The following KPNA7 variants were observed in gnomAD, a reference collection of about 807,000 sequenced individuals.
KPNA7 encodes importin subunit alpha-8.
KPNA7 carries 54 observed loss-of-function variants against 53.7 expected under a neutral mutation model. The observed-to-expected ratio is 1.01, with a 90% CI of 0.81 to 1.26. The LOEUF (loss-of-function observed/expected upper bound fraction) is 1.26, where lower values mean the gene tolerates loss of function less well. Among genes scored for constraint, KPNA7 ranks in the 50% most tolerant of loss-of-function variants. The pLI is 0.00. For missense variants in KPNA7, 640 were observed against 644.5 expected (o/e 0.99, Z 0.07); for synonymous variants, 276 against 259.3 (o/e 1.06, Z -0.62).
At chr7:99,200,105 G>C (rs778047383) in intron 3 of KPNA7, among the ~76,000 whole-genome samples, 1 of 152,150 alleles carries the variant, frequency 6.6e-6, no homozygotes, top group African/African-American at 2.4e-5. Flanking sequence ...GTTTCACCAT[G>C]TTGGCCAGGA....
At chr7:99,192,711 G>T (rs1790017928) in intron 6 of KPNA7, among the ~76,000 whole-genome samples, 1 of 152,136 alleles carries the variant, frequency 6.6e-6, no homozygotes, top group African/African-American at 2.4e-5. Flanking sequence ...GCCCAGTCTT[G>T]AGCCTTGTTT....
chr7:99,163,383 A>ATATATATATATATATATT, the KPNA7 span, among the ~76,000 whole-genome samples: 2 of 40,816 alleles, frequency 4.9e-5, no homozygotes, highest in Non-Finnish European at 8.4e-5. Context: ...ATATATATAT[A>ATATATATATATATATATT]TTTTTTTTTT....
At chr7:99,158,873 TTTTTC>T in the KPNA7 span, among the ~76,000 whole-genome samples, 8 of 151,756 alleles carry the variant, frequency 5.3e-5, 1 homozygote, top group Admixed American at 2.0e-4. Context: ...GCATCTTTTT[TTTTTC>T]TTTTGAGAGG....
chr7:99,182,174 A>G, intron 8 of KPNA7, 109 bp from the exon 9 acceptor site: 4 of 747,128 alleles, frequency 5.4e-6, no homozygotes, highest in Non-Finnish European at 8.4e-6. Context: ...GACTGCATGT[A>G]CAATTTACAT....
intron 10 of KPNA7, among the ~76,000 whole-genome samples, chr7:99,177,301 C>T (rs1055768822): frequency 2.6e-5 from 4 of 151,950 alleles, no homozygotes; most frequent in East Asian, 3.9e-4. Context: ...GGAGACGGGC[C>T]GGGTGTGGTG....
downstream of KPNA7, among the ~76,000 whole-genome samples, chr7:99,173,062 C>CA (rs923484332): frequency 0.14 from 7,857 of 57,004 alleles, 812 homozygotes; most frequent in African/African-American, 0.26. Flanking sequence ...AACTCCATCT[C>CA]AAAAAAAAAA....
At chr7:99,169,673 G>A (rs1422703560), downstream of KPNA7, among the ~76,000 whole-genome samples, 1 of 152,008 alleles carries the variant, frequency 6.6e-6, no homozygotes, top group Admixed American at 6.6e-5. Flanking sequence ...AATGGAAGGA[G>A]GGAAGCATAA....
chr7:99,182,377 T>G (rs1428812716), intron 8 of KPNA7, among the ~76,000 whole-genome samples: 2 of 152,158 alleles, frequency 1.3e-5, no homozygotes, highest in African/African-American at 4.8e-5. Flanking sequence ...TTTTATATTT[T>G]TAGTAGAGAC....
At chr7:99,214,459 C>CA (rs1563093971) in intron 1 of KPNA7, among the ~76,000 whole-genome samples, 82 of 145,806 alleles carry the variant, frequency 5.6e-4, no homozygotes, top group African/African-American at 1.9e-3. Flanking sequence ...AAACAAAAAA[C>CA]AAAAACAAAA....
At chr7:99,164,054 T>C in the KPNA7 span, among the ~76,000 whole-genome samples, 1 of 150,542 alleles carries the variant, frequency 6.6e-6, no homozygotes, top group Non-Finnish European at 1.5e-5. Context: ...TGTAAACTAG[T>C]TCAACCATTG....
the KPNA7 span, among the ~76,000 whole-genome samples, chr7:99,148,902 T>TG: frequency 9.7e-3 from 1,457 of 149,876 alleles, 12 homozygotes; most frequent in Non-Finnish European, 0.016. Context: ...ACCGTTTTTT[T>TG]TTTTTTTTTT....
At chr7:99,151,466 T>A in the KPNA7 span, among the ~76,000 whole-genome samples, 9 of 151,736 alleles carry the variant, frequency 5.9e-5, no homozygotes, top group South Asian at 1.9e-3. Flanking sequence ...TGGTTTTTTT[T>A]TTGAGACAGG....
In KPNA7 at chr7:99,197,020, AAACAACAAC is replaced by A. The variant is rs139221110; in HGVS notation, c.202-863_202-855del. On this transcript the variant is annotated intron_variant, in intron 3 of 10. Coordinates refer to ENST00000327442, the MANE Select transcript of KPNA7 (RefSeq NM_001145715.3). ...TGTATAGGGCTATGCATATGCTTAA[AAACAACAAC>A]AACAACAACAACAACAACAACAAAA... Among the ~76,000 whole-genome samples the A allele has an allele frequency of 1.4e-3, 212 of 151,026 alleles. 1 individual carries two copies. Among genetic ancestry groups the A allele is most frequent in the Admixed American group, 1.8e-3 (27 of 15,130 alleles).
chr7:99,193,043 TAGG>T lies in KPNA7; in HGVS notation c.609_611del (p.Leu204del). 6.6e-7 allele frequency: 1 copy of T among 1,508,520 alleles called. No homozygotes were observed. The allele number at this position is 1,508,520 out of a possible 1,614,324, so 93.4% of individuals were successfully genotyped here. A position where few individuals can be genotyped will look rare whatever the true frequency, so the allele number is the denominator to read the frequency against. On this transcript the variant is annotated inframe_deletion, in exon 6 of 11. Transcript: ENST00000327442. ...CCGGCAGGGTGGGTGAAATCAAGGC[TAGG>T]AGATGTGGGATGGCATTGCTTGTGA...
chr7:99,150,096 G>C, the KPNA7 span, among the ~76,000 whole-genome samples: 1 of 151,584 alleles, frequency 6.6e-6, no homozygotes, highest in Non-Finnish European at 1.5e-5. Flanking sequence ...ACCGCACCAG[G>C]CCTTTGTTTC....
chr7:99,196,252 A>C, intron 3 of KPNA7, 86 bp from the exon 4 acceptor site: 1 of 946,486 alleles, frequency 1.1e-6, no homozygotes, highest in African/African-American at 1.6e-5. Flanking sequence ...CATCTGATTA[A>C]AACAGCCTGG....
intron 8 of KPNA7, among the ~76,000 whole-genome samples, chr7:99,183,975 G>A (rs1301794289): frequency 6.6e-6 from 1 of 151,876 alleles, no homozygotes; most frequent in Non-Finnish European, 1.5e-5. Context: ...GGCCTCCCAA[G>A]TAGCTGGGAT....
intron 1 of KPNA7, among the ~76,000 whole-genome samples, chr7:99,215,827 T>G (rs1202575067): frequency 6.6e-6 from 1 of 151,868 alleles, no homozygotes; most frequent in Non-Finnish European, 1.5e-5. Context: ...AAAAAATATA[T>G]AGCCAGGTGG....
intron 10 of KPNA7, among the ~76,000 whole-genome samples, chr7:99,176,202 G>T (rs980274820): frequency 1.3e-5 from 2 of 151,318 alleles, no homozygotes; most frequent in Non-Finnish European, 2.9e-5. Flanking sequence ...GGAGGCTGAG[G>T]CAGGAGAATG....
Sources: gnomAD v4.1 joint callset for allele counts (sites outside exome capture counted in the v4.1 genomes callset) on GRCh38, gnomAD v4.1.1 for gene constraint, MANE v1.5 for transcripts, NCBI Gene and HGNC (gene_info 2026-07-23, HGNC 2026-07-21) for gene names.